TMIGD3: variants seen among roughly 807,000 people sequenced by gnomAD.
The protein encoded by TMIGD3 is transmembrane and immunoglobulin domain containing 3, also known as AD026 protein (AD026).
TMIGD3 carries 21 observed loss-of-function variants against 28.1 expected under a neutral mutation model. That is an observed-to-expected ratio of 0.75 (90% confidence interval 0.53 to 1.08). TMIGD3 has a LOEUF of 1.08. TMIGD3 is among the 50% of genes least tolerant of loss of function. The pLI is 0.00. For missense variants in TMIGD3, 416 were observed against 435.6 expected, an observed-to-expected ratio of 0.96 and a Z score of 0.40; for synonymous variants, 151 against 162.1, an observed-to-expected ratio of 0.93 and a Z score of 0.52.
chr1:111,500,232 C>A, intron 1 of TMIGD3: 1 of 1,614,162 alleles, frequency 6.2e-7, no homozygotes, highest in Non-Finnish European at 8.5e-7. Flanking sequence ...CCGTCTTGAA[C>A]TCCCGTCCAT....
At chr1:111,523,456 T>A (rs1656147892) in intron 1 of TMIGD3, among the ~76,000 whole-genome samples, 1 of 152,140 alleles carries the variant, frequency 6.6e-6, no homozygotes, top group Admixed American at 6.5e-5. Context: ...TTTCCTGTAA[T>A]GTCGTCTGAT....
chr1:111,551,768 T>TTTG (rs1159285171), intron 1 of TMIGD3, among the ~76,000 whole-genome samples: 70 of 132,404 alleles, frequency 5.3e-4, no homozygotes, highest in Admixed American at 1.6e-3. Context: ...TTTGTTTTGT[T>TTTG]TTTTTGAGAT....
At chr1:111,488,123 A>C (rs771891278) in intron 3 of TMIGD3, among the ~76,000 whole-genome samples, 4 of 152,058 alleles carry the variant, frequency 2.6e-5, no homozygotes, top group Non-Finnish European at 5.9e-5. Context: ...ATACTATTAA[A>C]TTATTTAAGT....
intron 1 of TMIGD3, among the ~76,000 whole-genome samples, chr1:111,547,810 G>C (rs1657090855): frequency 6.6e-6 from 1 of 152,194 alleles, no homozygotes; most frequent in South Asian, 2.1e-4. Flanking sequence ...GGTGGAGAAA[G>C]ACTCTCTGGT....
chr1:111,551,975 A>G lies in TMIGD3; in HGVS notation c.107+11871T>C, dbSNP rs1424162987. Among the ~76,000 whole-genome samples the G allele has an allele frequency of 2.6e-5, 4 of 152,222 alleles. No homozygotes were observed. In the South Asian group the frequency reaches 8.3e-4, roughly 31 times the overall value. On this transcript the variant is annotated intron_variant, in intron 1 of 5. Coordinates refer to the TMIGD3 transcript ENST00000369717. ...CACCTGGCCTTCTAAATTCCCAGAA[A>G]TGTAAGAGCTTTTCAAAGTCCTTAT...
chr1:111,537,324 T>C (rs1386283964), intron 1 of TMIGD3, among the ~76,000 whole-genome samples: 7 of 152,208 alleles, frequency 4.6e-5, no homozygotes, highest in Admixed American at 4.6e-4. Flanking sequence ...TGTATTCCAA[T>C]GTCCAACAGA....
Position 111,488,721 on chromosome 1 carries a change from G to A in TMIGD3, c.761C>T (p.Thr254Ile). The A allele has an allele frequency of 6.2e-7, 1 of 1,614,182 alleles. No homozygotes were observed. The highest frequency in any genetic ancestry group is 1.3e-5 in the African/African-American group (1 of 75,032). The change falls in exon 3 of 6, where the codon ACT becomes ATT. Residue 254 changes from threonine to isoleucine, a missense_variant. Transcript: ENST00000369716. ...ATTGGCCAGGGTTCCTTTGTCGTCA[G>A]TTACAATCAGCTCTGTAAAATCCAT... is the stretch of plus-strand genomic sequence containing the variant. ...DDMDFTELIV[T>I]DDKGTLANDF...
intron 3 of TMIGD3, 101 bp from the exon 4 acceptor site, chr1:111,486,753 G>A (rs1654395814): frequency 1.3e-5 from 13 of 984,908 alleles, no homozygotes; most frequent in East Asian, 2.4e-5. Flanking sequence ...TCCAGAGAGT[G>A]AGTCCCCTGG....
intron 3 of TMIGD3, among the ~76,000 whole-genome samples, chr1:111,487,379 G>C (rs994062353): frequency 6.6e-6 from 1 of 152,140 alleles, no homozygotes; most frequent in African/African-American, 2.4e-5. Flanking sequence ...TTCTAGCATG[G>C]GGACAGGTTT....
At chr1:111,536,879 G>A (rs1457293141) in intron 1 of TMIGD3, among the ~76,000 whole-genome samples, 1 of 152,042 alleles carries the variant, frequency 6.6e-6, no homozygotes, top group Non-Finnish European at 1.5e-5. Context: ...GACTGGTGCT[G>A]CAAGAACTAC....
At chr1:111,488,581 T>A in intron 3 of TMIGD3, 96 bp downstream of exon 3, 1 of 1,139,210 alleles carries the variant, frequency 8.8e-7, no homozygotes, top group Non-Finnish European at 1.3e-6. Context: ...AGTGGGAGTC[T>A]GAGTTGGGGC....
intron 1 of TMIGD3, among the ~76,000 whole-genome samples, chr1:111,554,763 A>G (rs2101039897): frequency 6.6e-6 from 1 of 152,344 alleles, no homozygotes; most frequent in Non-Finnish European, 1.5e-5. Flanking sequence ...ATGTTTCTTC[A>G]AAGTGATTCA....
chr1:111,512,386 G>C (rs533163145), intron 1 of TMIGD3, among the ~76,000 whole-genome samples: 1 of 152,380 alleles, frequency 6.6e-6, no homozygotes, highest in East Asian at 1.9e-4. Context: ...GTGCTCCAGA[G>C]GAGAAATCAC....
At chr1:111,517,138 C>T (rs533214099) in intron 1 of TMIGD3, among the ~76,000 whole-genome samples, 2 of 152,344 alleles carry the variant, frequency 1.3e-5, no homozygotes, top group Admixed American at 1.3e-4. Context: ...CATGCACACA[C>T]TAGCCTCATG....
At chr1:111,496,430 C>T (rs953842752) in intron 1 of TMIGD3, among the ~76,000 whole-genome samples, 58 of 152,148 alleles carry the variant, frequency 3.8e-4, no homozygotes, top group Non-Finnish European at 2.2e-4. Context: ...GGCCATTAGT[C>T]GAAGATGGCT....
chr1:111,499,729 C>CGTA, intron 1 of TMIGD3: 1 of 1,375,812 alleles, frequency 7.3e-7, no homozygotes, highest in East Asian at 2.8e-5. Flanking sequence ...CAAGTCAGGC[C>CGTA]TCCAAAACAC....
At chr1:111,514,730 G>A (rs1655804148) in intron 1 of TMIGD3, among the ~76,000 whole-genome samples, 1 of 151,818 alleles carries the variant, frequency 6.6e-6, no homozygotes, top group Non-Finnish European at 1.5e-5. Context: ...TTAAAGCCAG[G>A]AGCCATGTTC....
intron 1 of TMIGD3, among the ~76,000 whole-genome samples, chr1:111,508,838 T>C (rs2100992102): frequency 6.6e-6 from 1 of 152,350 alleles, no homozygotes; most frequent in Non-Finnish European, 1.5e-5. Flanking sequence ...GGCTCATGCC[T>C]GTAATCTCAG....
At chr1:111,527,119 T>C (rs892275252) in intron 1 of TMIGD3, among the ~76,000 whole-genome samples, 5 of 151,158 alleles carry the variant, frequency 3.3e-5, no homozygotes, top group Non-Finnish European at 2.9e-5. Context: ...TAAGTGATTC[T>C]CTTGCCTCAG....
Sources: gnomAD v4.1 joint callset for allele counts (sites outside exome capture counted in the v4.1 genomes callset) on GRCh38, gnomAD v4.1.1 for gene constraint, MANE v1.5 for transcripts, NCBI Gene and HGNC (gene_info 2026-07-23, HGNC 2026-07-21) for gene names.